Variants in KIF26B observed in about 807,000 individuals in gnomAD.
The protein encoded by KIF26B is kinesin family member 26B, also known as kinesin-like protein KIF26B.
KIF26B carries 63 observed loss-of-function variants against 151.2 expected under a neutral mutation model. The observed-to-expected ratio is 0.42, with a 90% CI of 0.34 to 0.51. The LOEUF (loss-of-function observed/expected upper bound fraction) is 0.51. Ranked by LOEUF, KIF26B falls within the 20% of genes least tolerant of loss-of-function variation. The pLI is 0.07. For synonymous variants in KIF26B, 1,357 were observed against 1,262.1 expected (o/e 1.08, Z -1.59); for missense variants, 2,813 against 2,913.6 (o/e 0.97, Z 0.79).
intron 9 of KIF26B, among the ~76,000 whole-genome samples, chr1:245,634,305 T>C (rs1270977742): frequency 6.6e-6 from 1 of 152,242 alleles, no homozygotes; most frequent in Non-Finnish European, 1.5e-5. Context: ...CTTTCCAATC[T>C]GGATATCGTT....
At chr1:245,189,633 C>G (rs190997027) in intron 2 of KIF26B, among the ~76,000 whole-genome samples, 1 of 152,232 alleles carries the variant, frequency 6.6e-6, no homozygotes, top group African/African-American at 2.4e-5. Context: ...GAGGTAAGCC[C>G]CCTACCACCT....
chr1:245,533,019 C>G (rs763854194), intron 4 of KIF26B, among the ~76,000 whole-genome samples: 3 of 152,236 alleles, frequency 2.0e-5, no homozygotes, highest in Non-Finnish European at 2.9e-5. Flanking sequence ...AGCTCTGCCT[C>G]AGAACGTAGG....
chr1:245,545,105 T>TA (rs201932870), intron 5 of KIF26B, among the ~76,000 whole-genome samples: 19 of 143,388 alleles, frequency 1.3e-4, no homozygotes, highest in Non-Finnish European at 1.2e-4. Context: ...CACAGCAATT[T>TA]TTTTTTTTTT....
intron 2 of KIF26B, among the ~76,000 whole-genome samples, chr1:245,333,992 C>G (rs1335193930): frequency 2.0e-5 from 3 of 151,606 alleles, no homozygotes; most frequent in Non-Finnish European, 2.9e-5. Flanking sequence ...GAGTGAGACT[C>G]CGTGTCAAAA....
intron 3 of KIF26B, among the ~76,000 whole-genome samples, chr1:245,377,207 C>T (rs987133000): frequency 8.5e-5 from 13 of 152,250 alleles, no homozygotes; most frequent in Admixed American, 6.5e-4. Flanking sequence ...GAGCCACCGC[C>T]CCCAGCCTGT....
chr1:245,184,050 G>GTTGTTTTTGTTTTTTTTTTTTTTT (rs1553332271), intron 2 of KIF26B, among the ~76,000 whole-genome samples: 1 of 19,804 alleles, frequency 5.0e-5, no homozygotes, highest in Admixed American at 1.0e-3. Context: ...GGGAGTTGTT[G>GTTGTTTTTGTTTTTTTTTTTTTTT]TTTTTTTTTT....
At chr1:245,228,055 AC>A (rs1436825650) in intron 2 of KIF26B, among the ~76,000 whole-genome samples, 3 of 152,186 alleles carry the variant, frequency 2.0e-5, no homozygotes, top group Non-Finnish European at 4.4e-5. Flanking sequence ...CAATGATATA[AC>A]ATTCTTAGAC....
chr1:245,362,579 G>A (rs953458068), intron 2 of KIF26B, among the ~76,000 whole-genome samples: 2 of 151,508 alleles, frequency 1.3e-5, no homozygotes, highest in Admixed American at 6.6e-5. Context: ...TAGCATCCCC[G>A]AGCTGGCATG....
chr1:245,681,263 G>A (rs961634752), intron 10 of KIF26B, among the ~76,000 whole-genome samples: 2 of 148,278 alleles, frequency 1.3e-5, no homozygotes, highest in African/African-American at 5.0e-5. Context: ...AGGCTGAAGT[G>A]CAGTGGCGCG....
At position 245,382,563 on chromosome 1, in the gene KIF26B, T is replaced by A. The variant is rs142578524; in HGVS notation, c.999+15196T>A. On this transcript the variant is annotated intron_variant, in intron 3 of 14. Transcript: ENST00000407071. Reference sequence around the variant, plus strand: ...TGTGTGTGTGTGTGTGTTTTGTTTCTTGTTTTGTTTTGTTTTGTTTTTGAG... The same window carrying A: ...TGTGTGTGTGTGTGTGTTTTGTTTCATGTTTTGTTTTGTTTTGTTTTTGAG... Among the ~76,000 whole-genome samples the A allele has an allele frequency of 2.6e-5, 3 of 114,326 alleles. No individual in the cohort carries two copies. The East Asian group carries it at 1.3e-3, about 48-fold the overall frequency. 75.0% of individuals were successfully genotyped at this position (114,326 alleles called of 152,430 possible).
At chr1:245,155,557 G>A in intron 1 of KIF26B, 70 bp downstream of exon 1, 1 of 1,368,096 alleles carries the variant, frequency 7.3e-7, no homozygotes, top group Non-Finnish European at 1.0e-6. Context: ...CCTTTCCCCG[G>A]GATCGTGCGG....
chr1:245,637,260 A>T (rs1237172302), intron 9 of KIF26B, among the ~76,000 whole-genome samples: 1 of 152,010 alleles, frequency 6.6e-6, no homozygotes, highest in Non-Finnish European at 1.5e-5. Flanking sequence ...TTTCCTGATG[A>T]TTAGTGATGT....
chr1:245,382,876 T>C (rs1472594997), intron 3 of KIF26B, among the ~76,000 whole-genome samples: 1 of 151,442 alleles, frequency 6.6e-6, no homozygotes, highest in Non-Finnish European at 1.5e-5. Context: ...CTAGCACTGG[T>C]TTTAAATTAT....
At chr1:245,679,457 GTTTTTT>G (rs35663208) in intron 10 of KIF26B, among the ~76,000 whole-genome samples, 24 of 59,168 alleles carry the variant, frequency 4.1e-4, no homozygotes, top group African/African-American at 1.4e-3. Flanking sequence ...TTTTGTGTGT[GTTTTTT>G]TTTTTTTTTT....
intron 2 of KIF26B, among the ~76,000 whole-genome samples, chr1:245,270,179 CTTCCA>C (rs1326643721): frequency 7.0e-6 from 1 of 143,804 alleles, no homozygotes; most frequent in Admixed American, 6.9e-5. Context: ...CCCTTCTTCC[CTTCCA>C]TTCCTTCTTC....
At position 245,194,399 on chromosome 1, in the gene KIF26B, AT is replaced by A. The variant is rs995450959; in HGVS notation, c.465+37726del. ...AACAAAACTCTATGGAAACAAAATA[AT>A]TTTTTTTTTCTTTTTGGACACAGAG... On this transcript the variant is annotated intron_variant, in intron 2 of 14. Transcript: ENST00000407071. Among the ~76,000 whole-genome samples, 420 of 150,886 alleles carry A rather than the reference AT, an allele frequency of 2.8e-3. 3 individuals are homozygous for A. Among genetic ancestry groups the A allele is most frequent in the Middle Eastern group, 0.021 (6 of 290 alleles).
chr1:245,669,125 C>G (rs2044252476), intron 10 of KIF26B, among the ~76,000 whole-genome samples: 1 of 152,320 alleles, frequency 6.6e-6, no homozygotes, highest in Non-Finnish European at 1.5e-5. Flanking sequence ...AGAAAATGCA[C>G]TTAACAATAG....
chr1:245,558,066 A>G (rs1269207687), intron 5 of KIF26B, among the ~76,000 whole-genome samples: 3 of 152,184 alleles, frequency 2.0e-5, no homozygotes, highest in Non-Finnish European at 1.5e-5. Context: ...GTGGGTGATC[A>G]ACTACAGCCT....
chr1:245,307,247 A>G (rs554155916), intron 2 of KIF26B, among the ~76,000 whole-genome samples: 49 of 152,212 alleles, frequency 3.2e-4, no homozygotes, highest in Middle Eastern at 3.2e-3. Flanking sequence ...GTTGTAAACA[A>G]AACCGTCTCA....
Sources: allele counts gnomAD v4.1 joint callset (sites outside exome capture counted in the v4.1 genomes callset), GRCh38; gene constraint gnomAD v4.1.1; transcripts MANE v1.5; gene names NCBI Gene and HGNC (gene_info 2026-07-23, HGNC 2026-07-21).